JPH3: variants seen among roughly 807,000 people sequenced by gnomAD.
JPH3 encodes the protein junctophilin-3.
Under a neutral mutation model 59.6 loss-of-function variants are expected in JPH3, and 11 were observed. That is an observed-to-expected ratio of 0.18 (90% confidence interval 0.12 to 0.31). JPH3 has a LOEUF of 0.31. Ranked by LOEUF, JPH3 falls within the 10% of genes least tolerant of loss-of-function variation. The pLI is 1.00. For missense variants in JPH3, 1,202 were observed against 1,105.7 expected (o/e 1.09, Z -1.24); for synonymous variants, 673 against 483.6 (o/e 1.39, Z -5.14).
chr16:87,604,685 C>T (rs976510372), intron 1 of JPH3: 15 of 1,145,156 alleles, frequency 1.3e-5, no homozygotes, highest in South Asian at 1.9e-5. Context: ...GAAGAAAGCT[C>T]GGAACACCTG....
At position 87,648,055 on chromosome 16, in the gene JPH3, G is replaced by T. The variant is rs979730340; in HGVS notation, c.1160+3020G>T. On this transcript the variant is annotated intron_variant, in intron 2 of 4. Coordinates refer to ENST00000284262, the MANE Select transcript of JPH3 (RefSeq NM_020655.4). ...GGCCTGTGGTTGCACCATCTCCATT[G>T]GTGTCATCCTCCCCCAGCCCTGCTG... is the stretch of plus-strand genomic sequence containing the variant. Among the ~76,000 whole-genome samples the T allele has an allele frequency of 7.9e-5, 12 of 152,132 alleles. No homozygotes were observed. In the East Asian group the frequency reaches 2.3e-3, roughly 29 times the overall value.
chr16:87,655,024 C>A (rs901804368), intron 2 of JPH3: 1 of 152,194 alleles, frequency 6.6e-6, no homozygotes, highest in Non-Finnish European at 1.5e-5. Context: ...CGGCAAGTTT[C>A]CTTAGCCAGG....
At chr16:87,640,721 C>A (rs954676631) in intron 1 of JPH3, among the ~76,000 whole-genome samples, 1 of 152,158 alleles carries the variant, frequency 6.6e-6, no homozygotes, top group African/African-American at 2.4e-5. Context: ...ATAAGTATGT[C>A]CCATGCAGCG....
intron 1 of JPH3, among the ~76,000 whole-genome samples, chr16:87,618,036 C>T (rs908274699): frequency 5.3e-5 from 8 of 152,002 alleles, no homozygotes; most frequent in Non-Finnish European, 7.4e-5. Context: ...TGGCAGCCTG[C>T]GCCTGCAGTC....
chr16:87,655,716 T>C (rs1249338322), intron 2 of JPH3, among the ~76,000 whole-genome samples: 1 of 152,258 alleles, frequency 6.6e-6, no homozygotes, highest in East Asian at 1.9e-4. Context: ...AAGGGCGATA[T>C]TCAGAACACG....
chr16:87,677,386 A>G (rs569258369), intron 2 of JPH3, among the ~76,000 whole-genome samples: 3 of 152,236 alleles, frequency 2.0e-5, no homozygotes, highest in African/African-American at 7.2e-5. Flanking sequence ...CTGTCTCAAA[A>G]AACAAACAAA....
At chr16:87,643,389 T>C (rs33998047) in intron 1 of JPH3, among the ~76,000 whole-genome samples, 39,043 of 149,484 alleles carry the variant, frequency 0.26, 5,352 homozygotes, top group East Asian at 0.39. Context: ...CACCCTCCCT[T>C]CTTCTGGGGA....
chr16:87,643,363 C>T (rs939546654), intron 1 of JPH3, among the ~76,000 whole-genome samples: 22 of 151,306 alleles, frequency 1.5e-4, no homozygotes, highest in African/African-American at 4.9e-4. Context: ...GGTGCACAGG[C>T]AGCTGCTGCA....
intron 1 of JPH3, among the ~76,000 whole-genome samples, chr16:87,639,363 A>G (rs1046150920): frequency 6.6e-6 from 1 of 152,040 alleles, no homozygotes; most frequent in Middle Eastern, 3.2e-3. Context: ...TCCGCACCTC[A>G]TGGCTCCACC....
At chr16:87,696,033 G>A (rs758765483) in intron 4 of JPH3, 32 of 456,198 alleles carry the variant, frequency 7.0e-5, no homozygotes, top group East Asian at 4.2e-4. Context: ...GCCAGTTGGC[G>A]TGAGGGGTTT....
intron 1 of JPH3, among the ~76,000 whole-genome samples, chr16:87,621,938 C>G (rs1075968): frequency 1.3e-5 from 2 of 152,040 alleles, no homozygotes; most frequent in South Asian, 2.1e-4. Flanking sequence ...TCCCCTTAGT[C>G]GAGAGGGGGG....
rs548149370 is a variant in JPH3, at chr16:87,696,769, T to G, written c.*109T>G. 1 of 833,450 alleles carries G rather than the reference T, an allele frequency of 1.2e-6. No individual in the cohort carries two copies. The highest frequency in any genetic ancestry group is 2.6e-5 in the East Asian group (1 of 38,876). The allele number at this position is 833,450 out of a possible 1,614,324, so 51.6% of individuals were successfully genotyped here. The stretch of plus-strand genomic sequence containing the variant: ...CCGCAACTCGGACAGCCCAGCGACT[T>G]CCAAGTCCTCTCACAGAAGAACCAC... On this transcript the variant is annotated 3_prime_UTR_variant, in exon 5 of 5. Transcript: ENST00000284262.
chr16:87,683,643 A>T (rs545106936), intron 2 of JPH3, among the ~76,000 whole-genome samples: 4 of 141,106 alleles, frequency 2.8e-5, no homozygotes, highest in Admixed American at 7.4e-5. Context: ...GTCTTGCTCT[A>T]TTACCCAAGC....
At chr16:87,616,007 A>AG (rs2030942849) in intron 1 of JPH3, among the ~76,000 whole-genome samples, 2 of 152,160 alleles carry the variant, frequency 1.3e-5, no homozygotes, top group Admixed American at 1.3e-4. Flanking sequence ...CGGTGCGTGC[A>AG]GGGGCACCAC....
intron 2 of JPH3, among the ~76,000 whole-genome samples, chr16:87,670,819 A>G (rs1259530718): frequency 6.6e-6 from 1 of 152,054 alleles, no homozygotes. Context: ...TATGGTGTGG[A>G]CGTGGTAGAG....
rs138750138 is a variant in JPH3 at position 87,682,475 on chromosome 16, A to T, written c.1161-1667A>T. ...GATGGGGCTGAGGACTGAGCCTCAT[A>T]GTGGGGATTAGTGCCCTGATGAAAG... On this transcript the variant is annotated intron_variant, in intron 2 of 4. Transcript: ENST00000284262. Among the ~76,000 whole-genome samples, 218 of 152,192 alleles carry T rather than the reference A, an allele frequency of 1.4e-3. 1 individual carries two copies. The highest frequency in any genetic ancestry group is 4.9e-3 in the African/African-American group (205 of 41,534).
intron 2 of JPH3, among the ~76,000 whole-genome samples, chr16:87,677,588 T>C (rs374066011): frequency 5.3e-5 from 8 of 152,284 alleles, no homozygotes; most frequent in Middle Eastern, 3.4e-3. Context: ...CCAGAGATTA[T>C]GCAGCCTGCC....
intron 1 of JPH3, among the ~76,000 whole-genome samples, chr16:87,625,965 C>CA (rs1253516051): frequency 6.6e-6 from 1 of 152,200 alleles, no homozygotes; most frequent in African/African-American, 2.4e-5. Flanking sequence ...CGGGACAGGC[C>CA]AGGGGCTCAG....
At chr16:87,623,120 C>T (rs1420592870) in intron 1 of JPH3, among the ~76,000 whole-genome samples, 5 of 152,334 alleles carry the variant, frequency 3.3e-5, no homozygotes, top group Middle Eastern at 3.4e-3. Flanking sequence ...ACTCTGCCCA[C>T]CCCGGATACT....
Sources: gnomAD v4.1 joint callset for allele counts (sites outside exome capture counted in the v4.1 genomes callset) on GRCh38, gnomAD v4.1.1 for gene constraint, MANE v1.5 for transcripts, NCBI Gene and HGNC (gene_info 2026-07-23, HGNC 2026-07-21) for gene names.